CNTN4: variants seen among roughly 807,000 people sequenced by gnomAD.
CNTN4 encodes contactin 4, also known as contactin-4.
Under a neutral mutation model 122.5 loss-of-function variants are expected in CNTN4, and 77 were observed. That is an observed-to-expected ratio of 0.63 (90% CI 0.52 to 0.76). The LOEUF is 0.76. CNTN4 is among the 30% of genes least tolerant of loss of function. The pLI is 0.00. For synonymous variants in CNTN4, 512 were observed against 447.0 expected (o/e 1.15, Z -1.83); for missense variants, 1,256 against 1,259.1 (o/e 1.00, Z 0.04).
intron 3 of CNTN4, among the ~76,000 whole-genome samples, chr3:2,416,541 A>G (rs1046979750): frequency 9.2e-5 from 14 of 152,222 alleles, no homozygotes; most frequent in Non-Finnish European, 1.9e-4. Context: ...ATTAGTGGAT[A>G]TTACATTTGT....
intron 3 of CNTN4, among the ~76,000 whole-genome samples, chr3:2,403,762 G>T (rs1421750127): frequency 6.6e-6 from 1 of 152,096 alleles, no homozygotes; most frequent in East Asian, 1.9e-4. Context: ...TCTTATCAAA[G>T]ATGTCAAACT....
chr3:2,214,791 A>T (rs2038768590), intron 2 of CNTN4, among the ~76,000 whole-genome samples: 1 of 152,226 alleles, frequency 6.6e-6, no homozygotes, highest in Non-Finnish European at 1.5e-5. Flanking sequence ...ATTAAAAAAA[A>T]TCTCAGTGAG....
intron 13 of CNTN4, among the ~76,000 whole-genome samples, chr3:2,958,800 T>C (rs561456666): frequency 5.3e-5 from 8 of 152,274 alleles, no homozygotes; most frequent in Non-Finnish European, 1.0e-4. Context: ...GAGAGGGGTA[T>C]TCTGGGTATG....
chr3:2,258,444 A>G (rs762937206), intron 2 of CNTN4, among the ~76,000 whole-genome samples: 20 of 152,164 alleles, frequency 1.3e-4, no homozygotes, highest in Non-Finnish European at 2.5e-4. Context: ...GTCTCAATAT[A>G]CATTTAGGAA....
Position 2,156,389 on chromosome 3 carries a change from T to C in CNTN4, c.-145+55750T>C, listed in dbSNP as rs142210326. On this transcript the variant is annotated intron_variant, in intron 2 of 24. Coordinates refer to ENST00000418658, the MANE Select transcript of CNTN4 (RefSeq NM_175607.3). ...TAAACCTGTATACAGCAGAGTTCAT[T>C]GCAGCAATGGTCCCGCGCCTTCCTC... 2.4e-3 allele frequency among the ~76,000 whole-genome samples: 367 copies of C among 152,252 alleles called. 2 individuals carry two copies. Among genetic ancestry groups the C allele is most frequent in the African/African-American group, 8.4e-3 (351 of 41,540 alleles).
chr3:2,748,690 C>T (rs1559461864), intron 6 of CNTN4, among the ~76,000 whole-genome samples: 1 of 152,296 alleles, frequency 6.6e-6, no homozygotes, highest in East Asian at 1.9e-4. Flanking sequence ...TTGCTAAAGC[C>T]TTGCTAAAAT....
intron 10 of CNTN4, among the ~76,000 whole-genome samples, chr3:2,895,282 C>T (rs2094095167): frequency 6.6e-6 from 1 of 152,086 alleles, no homozygotes; most frequent in Non-Finnish European, 1.5e-5. Context: ...GGTCAGATGG[C>T]AGAAGACTTT....
intron 15 of CNTN4, among the ~76,000 whole-genome samples, chr3:3,029,113 T>G (rs1188550557): frequency 6.6e-6 from 1 of 152,212 alleles, no homozygotes; most frequent in Non-Finnish European, 1.5e-5. Flanking sequence ...TTTCCCATTT[T>G]ATTGAGCAAT....
chr3:2,803,325 A>G (rs113313852), intron 6 of CNTN4, among the ~76,000 whole-genome samples: 4 of 152,190 alleles, frequency 2.6e-5, no homozygotes. Context: ...AAAGATTGAA[A>G]ATTGTCCCAG....
At chr3:2,410,068 A>G (rs2047176538) in intron 3 of CNTN4, among the ~76,000 whole-genome samples, 2 of 152,218 alleles carry the variant, frequency 1.3e-5, no homozygotes, top group African/African-American at 4.8e-5. Context: ...TCATTTACCG[A>G]TATTAACTTA....
intron 3 of CNTN4, chr3:2,362,451 C>T (rs2045196049): frequency 2.4e-6 from 1 of 421,732 alleles, no homozygotes. Context: ...GCCTCCCAGC[C>T]TACATCCTAT....
chr3:2,471,110 A>G (rs2151502191), intron 3 of CNTN4, among the ~76,000 whole-genome samples: 1 of 152,200 alleles, frequency 6.6e-6, no homozygotes, highest in Admixed American at 6.5e-5. Context: ...TGTGAGTCAA[A>G]GAAACTAAAA....
chr3:2,142,751 G>A (rs2035060836), intron 2 of CNTN4, among the ~76,000 whole-genome samples: 1 of 152,202 alleles, frequency 6.6e-6, no homozygotes, highest in South Asian at 2.1e-4. Context: ...TAGGAGGAGA[G>A]GGGGCTGGAG....
chr3:2,966,400 G>A (rs554664500), intron 13 of CNTN4, among the ~76,000 whole-genome samples: 54 of 152,182 alleles, frequency 3.5e-4, no homozygotes, highest in Middle Eastern at 6.8e-3. Context: ...AATTTTGCAC[G>A]TTCTCACCCA....
chr3:2,319,930 C>T (rs531128852), intron 2 of CNTN4, among the ~76,000 whole-genome samples: 13 of 152,236 alleles, frequency 8.5e-5, no homozygotes, highest in Admixed American at 3.9e-4. Context: ...AATTTTAAAG[C>T]GTGCTCTTAA....
At chr3:2,597,410 C>G (rs1338136719) in intron 4 of CNTN4, among the ~76,000 whole-genome samples, 1 of 152,134 alleles carries the variant, frequency 6.6e-6, no homozygotes, top group East Asian at 1.9e-4. Flanking sequence ...GGGCCTTTGG[C>G]AGGGAGCACC....
chr3:2,678,982 C>T (rs112231889), intron 4 of CNTN4, among the ~76,000 whole-genome samples: 5 of 152,254 alleles, frequency 3.3e-5, no homozygotes, highest in Non-Finnish European at 5.9e-5. Context: ...AAAAAGTGCA[C>T]ATGTGTTCTG....
chr3:2,731,997 C>T (rs544606851), intron 4 of CNTN4, among the ~76,000 whole-genome samples: 1 of 152,268 alleles, frequency 6.6e-6, no homozygotes, highest in South Asian at 2.1e-4. Context: ...AGTCCTAGGC[C>T]TTGACACATT....
At chr3:2,468,721 T>A (rs2075588560) in intron 3 of CNTN4, among the ~76,000 whole-genome samples, 1 of 152,138 alleles carries the variant, frequency 6.6e-6, no homozygotes, top group Admixed American at 6.5e-5. Context: ...TTCTTTCTTC[T>A]CTATGCTTCT....
Sources: allele counts gnomAD v4.1 joint callset (sites outside exome capture counted in the v4.1 genomes callset), GRCh38; gene constraint gnomAD v4.1.1; transcripts MANE v1.5; gene names NCBI Gene and HGNC (gene_info 2026-07-23, HGNC 2026-07-21).